CFTR: variants seen among roughly 807,000 people sequenced by gnomAD.
CFTR encodes the protein cystic fibrosis transmembrane conductance regulator.
CFTR carries 181 observed loss-of-function variants against 171.6 expected under a neutral mutation model. The observed-to-expected ratio is 1.05, with a 90% CI of 0.93 to 1.19. CFTR has a LOEUF of 1.19. CFTR is among the 50% of genes most tolerant of loss of function. The pLI, the probability that CFTR is intolerant of heterozygous loss-of-function variation, is 0.00. For missense variants in CFTR, 1,968 were observed against 1,734.7 expected (o/e 1.13, Z -2.39); for synonymous variants, 583 against 608.0 (o/e 0.96, Z 0.60).
At chr7:117,629,423 A>G (rs180810718) in intron 22 of CFTR, among the ~76,000 whole-genome samples, 17 of 152,350 alleles carry the variant, frequency 1.1e-4, no homozygotes, top group African/African-American at 3.6e-4. Flanking sequence ...TTGGCTTTAT[A>G]GACCCAAAAA....
chr7:117,541,121 T>A (rs1352526331), intron 8 of CFTR, among the ~76,000 whole-genome samples: 1 of 152,204 alleles, frequency 6.6e-6, no homozygotes, highest in Non-Finnish European at 1.5e-5. Context: ...ATCACCTATT[T>A]GGTCCTGAGA....
chr7:117,526,219 C>T (rs1358378483), intron 3 of CFTR, among the ~76,000 whole-genome samples: 60 of 151,076 alleles, frequency 4.0e-4, no homozygotes, highest in Non-Finnish European at 5.0e-4. Context: ...CACTCAAAGC[C>T]GCTCAACTAC....
At chr7:117,621,546 A>T (rs1792580608) in intron 21 of CFTR, among the ~76,000 whole-genome samples, 1 of 152,162 alleles carries the variant, frequency 6.6e-6, no homozygotes, top group Admixed American at 6.5e-5. Flanking sequence ...CCAGCAAATG[A>T]TTTTTGTCCT....
intron 23 of CFTR, among the ~76,000 whole-genome samples, chr7:117,647,073 A>G (rs983749169): frequency 6.6e-6 from 1 of 152,128 alleles, no homozygotes; most frequent in African/African-American, 2.4e-5. Flanking sequence ...ACTGAGGAAT[A>G]TTTTATTCAT....
chr7:117,604,215 T>C, intron 17 of CFTR, among the ~76,000 whole-genome samples: 1 of 152,210 alleles, frequency 6.6e-6, no homozygotes, highest in East Asian at 1.9e-4. Context: ...TCTAATTTCA[T>C]GTAACTGCTC....
At chr7:117,568,903 G>A (rs1043782716) in intron 11 of CFTR, among the ~76,000 whole-genome samples, 5 of 152,202 alleles carry the variant, frequency 3.3e-5, no homozygotes, top group South Asian at 4.2e-4. Flanking sequence ...CTTCCCATTC[G>A]TCTCTCCTCC....
At chr7:117,574,064 A>G (rs1276177008) in intron 11 of CFTR, among the ~76,000 whole-genome samples, 2 of 152,140 alleles carry the variant, frequency 1.3e-5, no homozygotes, top group East Asian at 3.9e-4. Context: ...TTTAGATTAT[A>G]CTTTCATGGA....
chr7:117,573,049 TCTCTCTCTTG>T (rs760180546), intron 11 of CFTR, among the ~76,000 whole-genome samples: 46 of 107,090 alleles, frequency 4.3e-4, no homozygotes, highest in Admixed American at 2.8e-3. Flanking sequence ...TCTCTCTCTC[TCTCTCTCTTG>T]CTCTCTCTCT....
At chr7:117,586,858 A>G (rs1791942759) in intron 11 of CFTR, among the ~76,000 whole-genome samples, 1 of 152,102 alleles carries the variant, frequency 6.6e-6, no homozygotes, top group African/African-American at 2.4e-5. Context: ...TCGGTTTGAA[A>G]GCCTCTAGGG....
chr7:117,597,437 A>C (rs1397079684), intron 15 of CFTR, among the ~76,000 whole-genome samples: 1 of 152,230 alleles, frequency 6.6e-6, no homozygotes, highest in Non-Finnish European at 1.5e-5. Flanking sequence ...CCTGGGCCAC[A>C]TTGGAAGAAG....
At chr7:117,607,209 A>G (rs994199107) in intron 18 of CFTR, among the ~76,000 whole-genome samples, 1 of 152,128 alleles carries the variant, frequency 6.6e-6, no homozygotes, top group South Asian at 2.1e-4. Context: ...CCATTCCCCC[A>G]CAGTAAGGAC....
chr7:117,539,961 C>G, intron 7 of CFTR, 139 bp from the exon 8 acceptor site: 1 of 683,036 alleles, frequency 1.5e-6, no homozygotes, highest in Non-Finnish European at 2.5e-6. Context: ...CAAGGTCACA[C>G]AGGTCATATG....
intron 13 of CFTR, among the ~76,000 whole-genome samples, chr7:117,590,756 T>G (rs1287722411): frequency 6.6e-6 from 1 of 152,118 alleles, no homozygotes; most frequent in African/African-American, 2.4e-5. Context: ...ATTATTATAC[T>G]TAACATTTTT....
chr7:117,650,930 G>A (rs1407275364), intron 23 of CFTR, among the ~76,000 whole-genome samples: 3 of 152,160 alleles, frequency 2.0e-5, no homozygotes, highest in Non-Finnish European at 2.9e-5. Context: ...GTGATGAGGA[G>A]CACGGGTTTA....
Position 117,610,516 on chromosome 7 carries a change from C to G in CFTR, c.2989-3C>G, listed in dbSNP as rs397508471. Reference sequence around the variant, plus strand: ...CACCAACATGTTTTCTTTGATCTTACAGTTGTTATTAATTGTGATTGGAGC... The same window carrying G: ...CACCAACATGTTTTCTTTGATCTTAGAGTTGTTATTAATTGTGATTGGAGC... On this transcript the variant is annotated splice_region_variant and splice_polypyrimidine_tract_variant and intron_variant, in intron 18 of 26. Transcript: ENST00000003084. 1 of 1,610,944 alleles carries G rather than the reference C, an allele frequency of 6.2e-7. No individual in the cohort carries two copies. Among genetic ancestry groups the G allele is most frequent in the South Asian group, 1.1e-5 (1 of 91,024 alleles).
chr7:117,610,735 T>C, intron 19 of CFTR, 66 bp downstream of exon 19: 5 of 1,558,670 alleles, frequency 3.2e-6, no homozygotes, highest in Non-Finnish European at 3.5e-6. Flanking sequence ...AGATTCTTTA[T>C]TGTTAATCTA....
intron 3 of CFTR, among the ~76,000 whole-genome samples, chr7:117,522,351 CCT>C (rs1480532748): frequency 8.5e-5 from 13 of 152,304 alleles, no homozygotes; most frequent in African/African-American, 3.1e-4. Flanking sequence ...GCTTTCTCCA[CCT>C]CTTAGTTTAT....
In CFTR at chr7:117,530,959, G is replaced by A. The variant is rs746344714; in HGVS notation, c.334G>A (p.Asp112Asn). The change falls in exon 4 of 27, where the codon GAT (aspartate) becomes AAT (asparagine). Residue 112 changes from aspartate (D) to asparagine (N), a missense_variant. By Grantham distance (23) the Asp-to-Asn change is conservative. Transcript: ENST00000003084. Reference protein sequence around the residue: ...LGRIIASYDPDNKEERSIAIY... With the variant: ...LGRIIASYDPNNKEERSIAIY... ...AAGAATCATAGCTTCCTATGACCCG[G>A]ATAACAAGGAGGAACGCTCTATCGC... The A allele has an allele frequency of 6.2e-7, 1 of 1,613,792 alleles. No individual in the cohort carries two copies. Among genetic ancestry groups the A allele is most frequent in the South Asian group, 1.1e-5 (1 of 91,064 alleles).
chr7:117,607,296 G>A (rs541610705), intron 18 of CFTR, among the ~76,000 whole-genome samples: 7 of 152,238 alleles, frequency 4.6e-5, no homozygotes, highest in African/African-American at 1.7e-4. Flanking sequence ...GTTTTATGAG[G>A]GCTGTCCCTG....
Sources: gnomAD v4.1 joint callset for allele counts (sites outside exome capture counted in the v4.1 genomes callset) on GRCh38, gnomAD v4.1.1 for gene constraint, MANE v1.5 for transcripts, NCBI Gene and HGNC (gene_info 2026-07-23, HGNC 2026-07-21) for gene names.